Variants in RBFOX1 observed in about 807,000 individuals in gnomAD.
RBFOX1 encodes RNA binding fox-1 homolog 1, also known as RNA binding protein fox-1 homolog 1.
RBFOX1 carries 8 observed loss-of-function variants against 57.7 expected under a neutral mutation model. The ratio of observed to expected loss-of-function variants is 0.14; its 90% CI spans 0.08 to 0.25. The LOEUF is 0.25. Among genes scored for constraint, RBFOX1 ranks in the 10% least tolerant of loss-of-function variants. RBFOX1 has a pLI of 1.00. For synonymous variants in RBFOX1, 326 were observed against 222.4 expected (o/e 1.47, Z -4.15); for missense variants, 611 against 548.5 (o/e 1.11, Z -1.14).
intron 2 of RBFOX1, among the ~76,000 whole-genome samples, chr16:6,365,186 T>C (rs546944893): frequency 6.6e-6 from 1 of 152,310 alleles, no homozygotes; most frequent in African/African-American, 2.4e-5. Flanking sequence ...TAGGGCCCTC[T>C]CTTCTTAAAA....
chr16:7,309,985 G>C (rs564998461), intron 4 of RBFOX1, among the ~76,000 whole-genome samples: 7 of 152,302 alleles, frequency 4.6e-5, no homozygotes, highest in East Asian at 3.9e-4. Context: ...TCCTATTGCC[G>C]GGTGCTGCCC....
At chr16:5,948,464 C>T (rs2059449830) in intron 4 of RBFOX1, among the ~76,000 whole-genome samples, 1 of 152,140 alleles carries the variant, frequency 6.6e-6, no homozygotes, top group Non-Finnish European at 1.5e-5. Context: ...AGAATGTGGC[C>T]ATATTTGGAA....
chr16:6,606,430 G>C (rs1251718028), intron 2 of RBFOX1, among the ~76,000 whole-genome samples: 1 of 152,146 alleles, frequency 6.6e-6, no homozygotes, highest in Non-Finnish European at 1.5e-5. Context: ...AGGTAAACGT[G>C]TGCCATAGTG....
chr16:6,200,766 C>G (rs1317131385), intron 1 of RBFOX1, among the ~76,000 whole-genome samples: 1 of 152,098 alleles, frequency 6.6e-6, no homozygotes, highest in Admixed American at 6.5e-5. Flanking sequence ...GACAAGGGGA[C>G]TTACCTGAAA....
At chr16:7,692,529 C>T (rs966202996) in intron 14 of RBFOX1, among the ~76,000 whole-genome samples, 1 of 152,154 alleles carries the variant, frequency 6.6e-6, no homozygotes, top group African/African-American at 2.4e-5. Context: ...AGCCCCTGTA[C>T]TGCTACTTTT....
At chr16:5,250,205 T>G (rs2062415374) in intron 1 of RBFOX1, among the ~76,000 whole-genome samples, 1 of 152,212 alleles carries the variant, frequency 6.6e-6, no homozygotes, top group East Asian at 1.9e-4. Context: ...TTTCTTGATC[T>G]TGCTTCTCAG....
At chr16:5,473,835 T>G (rs1367312793) in intron 2 of RBFOX1, among the ~76,000 whole-genome samples, 2 of 133,356 alleles carry the variant, frequency 1.5e-5, no homozygotes, top group East Asian at 2.2e-4. Flanking sequence ...GATGTAAGGG[T>G]GGGTGGATAG....
chr16:5,244,298 G>A lies in RBFOX1; in HGVS notation c.219+4193G>A, dbSNP rs147309259. 4.8e-3 allele frequency among the ~76,000 whole-genome samples: 725 copies of A among 152,308 alleles called. 4 individuals are homozygous for A. The highest frequency in any genetic ancestry group is 7.4e-3 in the African/African-American group (309 of 41,578). ...CCTCCATCCCCTCATGCACTGGTGC[G>A]GTGCAGAGCAGAATATCACCCACCT... On this transcript the variant is annotated intron_variant, in intron 1 of 2. Transcript: ENST00000585867.
At chr16:5,380,462 T>C (rs1434724289) in intron 1 of RBFOX1, among the ~76,000 whole-genome samples, 1 of 152,204 alleles carries the variant, frequency 6.6e-6, no homozygotes, top group Non-Finnish European at 1.5e-5. Context: ...GTCTTTATAC[T>C]AAATGTGCAC....
chr16:5,900,863 A>G (rs1403702813), intron 4 of RBFOX1, among the ~76,000 whole-genome samples: 2 of 152,288 alleles, frequency 1.3e-5, no homozygotes, highest in South Asian at 4.1e-4. Flanking sequence ...CAGAGCCCCT[A>G]TTCCAAAAAA....
chr16:6,370,934 T>C (rs1292023613), intron 2 of RBFOX1, among the ~76,000 whole-genome samples: 2 of 152,212 alleles, frequency 1.3e-5, no homozygotes, highest in African/African-American at 2.4e-5. Flanking sequence ...AAGGCAGTTA[T>C]TTACTTTGTG....
chr16:7,507,216 AT>A (rs2073617282), intron 4 of RBFOX1, among the ~76,000 whole-genome samples: 1 of 152,132 alleles, frequency 6.6e-6, no homozygotes, highest in South Asian at 2.1e-4. Context: ...GTGTTTTTCC[AT>A]TTATTTATTT....
intron 3 of RBFOX1, among the ~76,000 whole-genome samples, chr16:5,823,437 G>A (rs183263532): frequency 1.3e-5 from 2 of 152,252 alleles, no homozygotes; most frequent in East Asian, 1.9e-4. Context: ...GGGAATAGTC[G>A]ATATTGCTTA....
intron 3 of RBFOX1, among the ~76,000 whole-genome samples, chr16:6,710,206 A>T (rs529702478): frequency 6.6e-6 from 1 of 152,146 alleles, no homozygotes; most frequent in Non-Finnish European, 1.5e-5. Flanking sequence ...CAAAACTGAA[A>T]TGTTTGTCAC....
At chr16:6,079,547 C>G (rs2152503652) in intron 1 of RBFOX1, among the ~76,000 whole-genome samples, 1 of 150,556 alleles carries the variant, frequency 6.6e-6, no homozygotes, top group South Asian at 2.3e-4. Flanking sequence ...TGGTCTCAAA[C>G]TCCTGGGCTC....
chr16:5,572,446 G>T (rs917633209), intron 2 of RBFOX1, among the ~76,000 whole-genome samples: 1 of 152,164 alleles, frequency 6.6e-6, no homozygotes, highest in African/African-American at 2.4e-5. Context: ...TCACTTTGTT[G>T]TGGGAGGCTC....
At chr16:5,905,557 G>C (rs955753556) in intron 4 of RBFOX1, among the ~76,000 whole-genome samples, 3 of 152,086 alleles carry the variant, frequency 2.0e-5, no homozygotes, top group African/African-American at 7.2e-5. Context: ...ACAAAAAAAT[G>C]CAAAAACTGG....
intron 3 of RBFOX1, among the ~76,000 whole-genome samples, chr16:5,740,893 G>A (rs985047907): frequency 4.6e-5 from 7 of 152,150 alleles, no homozygotes; most frequent in Admixed American, 2.0e-4. Context: ...GGCAGGGAAC[G>A]GAAGTCACCG....
chr16:7,113,553 A>G (rs1235812768), intron 4 of RBFOX1, among the ~76,000 whole-genome samples: 2 of 152,170 alleles, frequency 1.3e-5, no homozygotes, highest in Non-Finnish European at 2.9e-5. Context: ...ATATTATGCA[A>G]TTATGCACCC....
Sources: allele counts gnomAD v4.1 joint callset (sites outside exome capture counted in the v4.1 genomes callset), GRCh38; gene constraint gnomAD v4.1.1; transcripts MANE v1.5; gene names NCBI Gene and HGNC (gene_info 2026-07-23, HGNC 2026-07-21).